The following NTNG1 variants were observed in gnomAD, a reference collection of about 807,000 sequenced individuals.
The protein encoded by NTNG1 is netrin G1, also known as netrin-G1.
NTNG1 carries 16 observed loss-of-function variants against 54.0 expected under a neutral mutation model. That is an observed-to-expected ratio of 0.30 (90% CI 0.20 to 0.45). The LOEUF (loss-of-function observed/expected upper bound fraction) is 0.45, where lower values mean the gene tolerates loss of function less well. Ranked by LOEUF, NTNG1 falls within the 20% of genes least tolerant of loss-of-function variation. NTNG1 has a pLI of 1.00. For missense variants in NTNG1, 530 were observed against 678.7 expected (o/e 0.78, Z 2.43); for synonymous variants, 255 against 263.1 (o/e 0.97, Z 0.30).
intron 5 of NTNG1, among the ~76,000 whole-genome samples, chr1:107,422,574 C>T (rs1557987005): frequency 6.6e-6 from 1 of 152,006 alleles, no homozygotes; most frequent in Non-Finnish European, 1.5e-5. Context: ...TGTGGAAGAG[C>T]TTCAACAGCT....
Position 107,315,442 on chromosome 1 carries a change from C to T in NTNG1, c.247-8840C>T, listed in dbSNP as rs528886560. Among the ~76,000 whole-genome samples the T allele has an allele frequency of 3.9e-5, 6 of 152,270 alleles. No homozygotes were observed. In the South Asian group the frequency reaches 1.2e-3, roughly 32 times the overall value. On this transcript the variant is annotated intron_variant, in intron 2 of 7. Coordinates refer to ENST00000370068, the MANE Select transcript of NTNG1 (RefSeq NM_001113226.3). ...CCTTACAACACATCAGTTCTTCCAT[C>T]TCACATACTCTATTTCCTTCAGGCT...
chr1:107,461,108 C>T (rs893199896), intron 7 of NTNG1, among the ~76,000 whole-genome samples: 3 of 152,286 alleles, frequency 2.0e-5, no homozygotes, highest in Admixed American at 1.3e-4. Flanking sequence ...CTATACCAGC[C>T]ACTGCTCTGG....
intron 2 of NTNG1, among the ~76,000 whole-genome samples, chr1:107,174,094 T>C (rs948145127): frequency 3.3e-5 from 5 of 152,176 alleles, no homozygotes; most frequent in Admixed American, 3.3e-4. Flanking sequence ...ATTATCACCT[T>C]AATCGAATCA....
At chr1:107,249,318 A>G (rs1662427483) in intron 2 of NTNG1, among the ~76,000 whole-genome samples, 1 of 151,792 alleles carries the variant, frequency 6.6e-6, no homozygotes, top group African/African-American at 2.4e-5. Context: ...CCCCATCTCT[A>G]CTAAAAATGC....
rs575002903 is a variant in NTNG1, at chr1:107,460,827, C to A, written c.1391-19784C>A. On this transcript the variant is annotated intron_variant, in intron 7 of 7. Coordinates refer to ENST00000370068, the MANE Select transcript of NTNG1 (RefSeq NM_001113226.3). ...TAAAACAACACTGCTGTGACACATT[C>A]TGAGATATTTAACTCTAGAGGGTCT... 2.0e-5 allele frequency among the ~76,000 whole-genome samples: 3 copies of A among 152,296 alleles called. No homozygotes were observed. The East Asian group carries it at 5.8e-4, about 29-fold the overall frequency.
intron 2 of NTNG1, among the ~76,000 whole-genome samples, chr1:107,203,318 C>T (rs1458919854): frequency 6.7e-6 from 1 of 149,542 alleles, no homozygotes; most frequent in Non-Finnish European, 1.5e-5. Flanking sequence ...CTGAAAATGT[C>T]TTTTTTTTTG....
chr1:107,212,859 C>A (rs1426077019), intron 2 of NTNG1, among the ~76,000 whole-genome samples: 3 of 151,916 alleles, frequency 2.0e-5, no homozygotes, highest in Admixed American at 1.3e-4. Context: ...ATATATCCAG[C>A]CTTTTGCATG....
intron 2 of NTNG1, among the ~76,000 whole-genome samples, chr1:107,234,048 T>A (rs1661240008): frequency 6.6e-6 from 1 of 152,170 alleles, no homozygotes; most frequent in Non-Finnish European, 1.5e-5. Flanking sequence ...TTTACCTTTA[T>A]ATGGGATAAA....
chr1:107,162,466 C>T (rs1655478527), intron 2 of NTNG1, among the ~76,000 whole-genome samples: 1 of 152,092 alleles, frequency 6.6e-6, no homozygotes, highest in Non-Finnish European at 1.5e-5. Flanking sequence ...TTTGGTAAAA[C>T]TCTATGTACT....
At chr1:107,173,397 A>G (rs1656400538) in intron 2 of NTNG1, among the ~76,000 whole-genome samples, 1 of 152,186 alleles carries the variant, frequency 6.6e-6, no homozygotes, top group African/African-American at 2.4e-5. Flanking sequence ...TCCTTCAGTA[A>G]TAGACAAATT....
intron 1 of NTNG1, chr1:107,141,459 G>A (rs971424113): frequency 3.3e-5 from 5 of 151,358 alleles, no homozygotes; most frequent in Non-Finnish European, 7.4e-5. Flanking sequence ...CGAGCCACAC[G>A]GTAAGTGCCT....
chr1:107,466,666 A>G (rs1409759444), intron 7 of NTNG1, among the ~76,000 whole-genome samples: 4 of 152,200 alleles, frequency 2.6e-5, no homozygotes, highest in African/African-American at 2.4e-5. Flanking sequence ...TCTGCTTCAA[A>G]GAGAAGCTCT....
Position 107,226,423 on chromosome 1 carries a change from T to C in NTNG1, c.246+77584T>C, listed in dbSNP as rs959418973. ...TTTTTCCCTCTCTCATTGTGTAAGATAAGAATTTTGTTATTATGCGACAAT... is the reference window on the plus strand; with the variant it reads ...TTTTTCCCTCTCTCATTGTGTAAGACAAGAATTTTGTTATTATGCGACAAT... On this transcript the variant is annotated intron_variant, in intron 2 of 7. Coordinates refer to ENST00000370068, the MANE Select transcript of NTNG1 (RefSeq NM_001113226.3). Among the ~76,000 whole-genome samples, 18 of 152,226 alleles carry C rather than the reference T, an allele frequency of 1.2e-4. 1 individual carries two copies. Among genetic ancestry groups the C allele is most frequent in the African/African-American group, 2.9e-4 (12 of 41,542 alleles).
intron 2 of NTNG1, among the ~76,000 whole-genome samples, chr1:107,298,396 C>G (rs12092732): frequency 0.016 from 2,435 of 152,190 alleles, 63 homozygotes; most frequent in African/African-American, 0.054. Flanking sequence ...AACGAAGCAA[C>G]TCTAGTATTT....
rs1046400366 is a variant in NTNG1 at position 107,303,435 on chromosome 1, GT to G, written c.247-20838del. On this transcript the variant is annotated intron_variant, in intron 2 of 7. Coordinates refer to ENST00000370068, the MANE Select transcript of NTNG1 (RefSeq NM_001113226.3). Reference sequence around the variant, plus strand: ...AAAAAGATTTATCCGACAAGTAAGAGTTTTTTTTTAATAGGAATCTATCCTG... The same window carrying G: ...AAAAAGATTTATCCGACAAGTAAGAGTTTTTTTTAATAGGAATCTATCCTG... Among the ~76,000 whole-genome samples the G allele has an allele frequency of 3.1e-4, 47 of 151,584 alleles. No homozygotes were observed. The South Asian group carries it at 7.9e-3, about 26-fold the overall frequency.
intron 7 of NTNG1, among the ~76,000 whole-genome samples, chr1:107,442,444 CT>C (rs1258881198): frequency 6.6e-6 from 1 of 152,062 alleles, no homozygotes; most frequent in Non-Finnish European, 1.5e-5. Context: ...CATTAACCAA[CT>C]TGACTATCAA....
chr1:107,365,855 T>C (rs915173808), intron 3 of NTNG1, among the ~76,000 whole-genome samples: 1 of 152,212 alleles, frequency 6.6e-6, no homozygotes, highest in African/African-American at 2.4e-5. Flanking sequence ...TTTATGTTCA[T>C]TCAAAGCTAT....
At chr1:107,479,280 G>A (rs942145876) in intron 7 of NTNG1, among the ~76,000 whole-genome samples, 4 of 152,232 alleles carry the variant, frequency 2.6e-5, no homozygotes, top group African/African-American at 9.6e-5. Context: ...GCATGTTTGT[G>A]TGTAAGAAGC....
At chr1:107,391,423 TG>T (rs1254169309) in intron 3 of NTNG1, among the ~76,000 whole-genome samples, 3 of 152,204 alleles carry the variant, frequency 2.0e-5, no homozygotes, top group African/African-American at 7.2e-5. Context: ...TCAAAGATGA[TG>T]ATCACAGCTA....
Sources: allele counts gnomAD v4.1 joint callset (sites outside exome capture counted in the v4.1 genomes callset), GRCh38; gene constraint gnomAD v4.1.1; transcripts MANE v1.5; gene names NCBI Gene and HGNC (gene_info 2026-07-23, HGNC 2026-07-21).